Variants in MOK observed in about 807,000 individuals in gnomAD.
MOK encodes the protein MAPK/MAK/MRK overlapping kinase.
MOK carries 59 observed loss-of-function variants against 54.2 expected under a neutral mutation model. The observed-to-expected ratio is 1.09, with a 90% CI of 0.88 to 1.35. The LOEUF (loss-of-function observed/expected upper bound fraction) is 1.35, where lower values mean the gene tolerates loss of function less well. MOK is among the 40% of genes most tolerant of loss of function. MOK has a pLI of 0.00. For synonymous variants in MOK, 210 were observed against 202.7 expected (o/e 1.04, Z -0.31); for missense variants, 517 against 526.2 (o/e 0.98, Z 0.17).
chr14:102,279,116 G>A (rs1015603212), intron 2 of MOK, among the ~76,000 whole-genome samples: 12 of 152,302 alleles, frequency 7.9e-5, no homozygotes, highest in Middle Eastern at 3.4e-3. Flanking sequence ...GTCAGAGCTG[G>A]TAACCCTACA....
Position 102,230,731 on chromosome 14 carries a change from G to A in MOK, c.981+976C>T, listed in dbSNP as rs749692202. 3 of 153,184 alleles carry A rather than the reference G, an allele frequency of 2.0e-5. No homozygotes were observed. Among genetic ancestry groups the A allele is most frequent in the Non-Finnish European group, 1.5e-5 (1 of 68,726 alleles). The allele number at this position is 153,184 out of a possible 1,614,324, so 9.5% of individuals were successfully genotyped here. ...TAGGCAAGGTGAGGAGGATGTAGGA[G>A]GCAAGAAGGCGAAGCCCCTGTGGGA... On this transcript the variant is annotated intron_variant, in intron 10 of 11. Coordinates refer to ENST00000361847, the MANE Select transcript of MOK (RefSeq NM_014226.3). This position sits in a 1 kb window ranked among gnomAD's most constrained non-coding sequence, Gnocchi z 4.1.
At chr14:102,301,989 T>G (rs2072257438) in intron 1 of MOK, among the ~76,000 whole-genome samples, 1 of 152,000 alleles carries the variant, frequency 6.6e-6, no homozygotes, top group African/African-American at 2.4e-5. Context: ...TGACCTCAAG[T>G]GATCAGCCAA....
intron 7 of MOK, among the ~76,000 whole-genome samples, chr14:102,247,799 C>T (rs1013406991): frequency 6.6e-6 from 1 of 152,202 alleles, no homozygotes; most frequent in African/African-American, 2.4e-5. Context: ...TTTGTAAAAA[C>T]ACTAAAGGAC....
chr14:102,242,227 C>T (rs1386347198), intron 7 of MOK, among the ~76,000 whole-genome samples: 1 of 152,166 alleles, frequency 6.6e-6, no homozygotes, highest in Non-Finnish European at 1.5e-5. Context: ...TCCACATTAC[C>T]TTCTTTTCCC....
intron 7 of MOK, among the ~76,000 whole-genome samples, chr14:102,244,691 C>T (rs2065959626): frequency 1.3e-5 from 2 of 152,152 alleles, no homozygotes; most frequent in African/African-American, 4.8e-5. Context: ...GGGTAGAGGC[C>T]TTTCCCACAA....
intron 1 of MOK, among the ~76,000 whole-genome samples, chr14:102,298,426 T>G (rs1243783478): frequency 3.9e-5 from 6 of 152,056 alleles, no homozygotes; most frequent in African/African-American, 1.2e-4. Flanking sequence ...GCACTCTGTA[T>G]CTAGCTCAAA....
chr14:102,217,830 T>C, the MOK span, among the ~76,000 whole-genome samples: 1 of 152,250 alleles, frequency 6.6e-6, no homozygotes, highest in African/African-American at 2.4e-5. Context: ...AGCCTGGTCA[T>C]AGTTCTCATC....
At chr14:102,266,508 C>A (rs1038601133) in intron 2 of MOK, among the ~76,000 whole-genome samples, 3 of 152,066 alleles carry the variant, frequency 2.0e-5, no homozygotes, top group Non-Finnish European at 4.4e-5. Flanking sequence ...CCTCAGCCAC[C>A]CAAAGTACTG....
chr14:102,247,655 T>C (rs1253630044), intron 7 of MOK, among the ~76,000 whole-genome samples: 1 of 152,176 alleles, frequency 6.6e-6, no homozygotes, highest in Non-Finnish European at 1.5e-5. Context: ...CAATCACAAA[T>C]AGATTCTTTA....
intron 2 of MOK, 64 bp from the exon 3 acceptor site, chr14:102,265,976 C>T: frequency 8.6e-7 from 1 of 1,159,202 alleles, no homozygotes; most frequent in Non-Finnish European, 1.3e-6. Flanking sequence ...ATTAGAGTTA[C>T]TTATTATCCA....
intron 1 of MOK, among the ~76,000 whole-genome samples, chr14:102,298,558 T>C (rs1326171382): frequency 2.0e-5 from 3 of 152,166 alleles, no homozygotes; most frequent in Admixed American, 6.5e-5. Flanking sequence ...AGCTCAGGGA[T>C]TGTAAACGCA....
intron 7 of MOK, among the ~76,000 whole-genome samples, chr14:102,243,586 C>T (rs1024614089): frequency 6.6e-6 from 1 of 152,174 alleles, no homozygotes; most frequent in African/African-American, 2.4e-5. Context: ...CTTCCTCACA[C>T]CTGATGCATA....
chr14:102,286,013 A>G (rs2153174636), intron 1 of MOK, among the ~76,000 whole-genome samples: 1 of 151,952 alleles, frequency 6.6e-6, no homozygotes, highest in African/African-American at 2.4e-5. Flanking sequence ...TAAGATGTGC[A>G]TCCGGGCCGG....
At chr14:102,234,722 T>A (rs1229096818) in intron 7 of MOK, among the ~76,000 whole-genome samples, 4 of 152,164 alleles carry the variant, frequency 2.6e-5, no homozygotes, top group African/African-American at 9.7e-5. Context: ...AAGGCTTATC[T>A]TTTACTGTAA....
At chr14:102,223,027 T>C, downstream of MOK, 2 of 943,050 alleles carry the variant, frequency 2.1e-6, no homozygotes, top group Non-Finnish European at 3.3e-6. Flanking sequence ...GGTGACCGGC[T>C]CACTCTGCGG....
chr14:102,215,026 C>CTA, the MOK span: 1 of 972,240 alleles, frequency 1.0e-6, no homozygotes, highest in Non-Finnish European at 1.2e-6. Flanking sequence ...TTTCAGTAGT[C>CTA]ATTTTCACAT....
At chr14:102,290,388 C>T (rs892551830) in intron 1 of MOK, among the ~76,000 whole-genome samples, 3 of 151,038 alleles carry the variant, frequency 2.0e-5, no homozygotes, top group Admixed American at 6.6e-5. Context: ...TGCGGTGAGC[C>T]GAGATCACGC....
Position 102,251,788 on chromosome 14 carries a change from T to C in MOK, c.379A>G (p.Arg127Gly), listed in dbSNP as rs780354764. Residue 127 changes from arginine to glycine, a missense_variant, in exon 6 of 12, where the codon AGA becomes GGA. Transcript: ENST00000361847. ...AGTATATTTTCTGGTTTTACATCTC[T>C]GTGAAATATTCCATTTCTGCATTCA... ...DHIHRNGIFHRDVKPENILIK... is the reference protein window; with the variant it reads ...DHIHRNGIFHGDVKPENILIK... 6.4e-7 allele frequency: 1 copy of C among 1,573,128 alleles called. No homozygotes were observed. Among genetic ancestry groups the C allele is most frequent in the Non-Finnish European group, 8.7e-7 (1 of 1,144,500 alleles).
chr14:102,255,601 G>C (rs1018711336), intron 4 of MOK, among the ~76,000 whole-genome samples: 4 of 152,160 alleles, frequency 2.6e-5, no homozygotes, highest in Non-Finnish European at 5.9e-5. Context: ...TGTGGGCCCA[G>C]TAGTCTGAAG....
Sources: allele counts gnomAD v4.1 joint callset (sites outside exome capture counted in the v4.1 genomes callset), GRCh38; gene constraint gnomAD v4.1.1; non-coding constraint Gnocchi (gnomAD v3.1); transcripts MANE v1.5; gene names NCBI Gene and HGNC (gene_info 2026-07-23, HGNC 2026-07-21).